Variants in MALT1 observed in about 807,000 individuals in gnomAD.
MALT1 encodes mucosa-associated lymphoid tissue lymphoma translocation protein 1.
In MALT1, 36 loss-of-function variants were observed where a neutral mutation model predicts 85.5. The ratio of observed to expected loss-of-function variants is 0.42; its 90% CI spans 0.32 to 0.56. The LOEUF (loss-of-function observed/expected upper bound fraction) is 0.56. Among genes scored for constraint, MALT1 ranks in the 20% least tolerant of loss-of-function variants. The pLI is 0.10. For missense variants in MALT1, 716 were observed against 981.6 expected, an observed-to-expected ratio of 0.73 and a Z score of 3.62; for synonymous variants, 359 against 361.3, an observed-to-expected ratio of 0.99 and a Z score of 0.07.
Position 58,708,616 on chromosome 18 carries a change from G to GC in MALT1, c.650-758dup, listed in dbSNP as rs1201622154. On this transcript the variant is annotated intron_variant, in intron 4 of 16. Transcript: ENST00000649217. The stretch of plus-strand genomic sequence containing the variant: ...GGATGACCCAGAGCAGGATATCAAA[G>GC]CCCCGGTAAGGTGTCCATGTGGGAG... Among the ~76,000 whole-genome samples the GC allele has an allele frequency of 2.6e-5, 4 of 152,314 alleles. No homozygotes were observed. In the East Asian group the frequency reaches 7.7e-4, roughly 29 times the overall value.
rs986926701 is a variant in MALT1 at position 58,690,556 on chromosome 18, C to T, written c.377-5810C>T. On this transcript the variant is annotated intron_variant, in intron 2 of 16. Transcript: ENST00000649217. The stretch of plus-strand genomic sequence containing the variant: ...CTGTGAGAGAGATGTACTTCACGCC[C>T]GGGCTGCCACCGCTGATCTTCCTGC... 6.8e-5 allele frequency: 11 copies of T among 161,762 alleles called. No individual in the cohort carries two copies. The South Asian group carries it at 1.6e-3, about 23-fold the overall frequency. 10.0% of individuals were successfully genotyped at this position (161,762 alleles called of 1,614,324 possible). A position where few individuals can be genotyped will look rare whatever the true frequency, so the allele number is the denominator to read the frequency against.
rs1399196376 is a variant in MALT1 at position 58,671,500 on chromosome 18, T to G, written c.-144T>G. The G allele has an allele frequency of 2.1e-6, 1 of 466,286 alleles. No homozygotes were observed. The highest frequency in any genetic ancestry group is 2.0e-5 in the African/African-American group (1 of 49,032). The allele number at this position is 466,286 out of a possible 1,614,324, so 28.9% of individuals were successfully genotyped here. A position where few individuals can be genotyped will look rare whatever the true frequency, so the allele number is the denominator to read the frequency against. On this transcript the variant is annotated 5_prime_UTR_variant, in exon 1 of 17. Coordinates refer to ENST00000649217, the MANE Select transcript of MALT1 (RefSeq NM_006785.4). ...AATTGGGGCGGGGAGCGGAGCTTCC[T>G]CCTCTGAGGGCCGTGCCGCGCTGCC...
rs182458166 is a variant in MALT1, at chr18:58,680,556, T to A, written c.210-614T>A. Among the ~76,000 whole-genome samples the A allele has an allele frequency of 5.5e-4, 84 of 152,338 alleles. 1 individual carries two copies. Among genetic ancestry groups the A allele is most frequent in the Non-Finnish European group, 3.5e-4 (24 of 68,028 alleles). ...TGAAGAAGGAGTAAGGAAATTTTTCTGGCCTTCCTATTCCCCATTCCTAAA... is the reference window on the plus strand; with the variant it reads ...TGAAGAAGGAGTAAGGAAATTTTTCAGGCCTTCCTATTCCCCATTCCTAAA... On this transcript the variant is annotated intron_variant, in intron 1 of 16. Transcript: ENST00000649217.
intron 12 of MALT1, 183 bp downstream of exon 12, chr18:58,734,564 C>CA (rs1333077653): frequency 5.3e-6 from 3 of 565,754 alleles, no homozygotes; most frequent in Non-Finnish European, 9.5e-6. Context: ...GCTGGGATTA[C>CA]AGGCATGTGC....
chr18:58,701,420 T>G (rs1166279360), intron 4 of MALT1, among the ~76,000 whole-genome samples: 2 of 152,270 alleles, frequency 1.3e-5, no homozygotes, highest in African/African-American at 4.8e-5. Context: ...CAGCTCCCTC[T>G]GCTGCCTTGG....
intron 10 of MALT1, among the ~76,000 whole-genome samples, chr18:58,727,673 T>C (rs11662404): frequency 6.8e-6 from 1 of 147,256 alleles, no homozygotes; most frequent in South Asian, 2.1e-4. Flanking sequence ...TTTAAAGCTG[T>C]AGTGTAGTAA....
intron 9 of MALT1, among the ~76,000 whole-genome samples, chr18:58,717,548 C>G (rs1426882181): frequency 6.6e-6 from 1 of 151,760 alleles, no homozygotes; most frequent in Non-Finnish European, 1.5e-5. Flanking sequence ...TGGTTCAGAT[C>G]AGTTGTGTGC....
At chr18:58,691,461 C>G in intron 2 of MALT1, 1 of 288,772 alleles carries the variant, frequency 3.5e-6, no homozygotes, top group Non-Finnish European at 6.7e-6. Context: ...ATTCCATTTC[C>G]TGGTGTTACA....
At chr18:58,690,489 T>C in intron 2 of MALT1, 2 of 173,214 alleles carry the variant, frequency 1.2e-5, no homozygotes, top group East Asian at 1.7e-4. Flanking sequence ...CCTCCTCCCC[T>C]GGATGGAGTG....
intron 3 of MALT1, among the ~76,000 whole-genome samples, chr18:58,697,732 G>A (rs2054610999): frequency 6.6e-6 from 1 of 152,176 alleles, no homozygotes; most frequent in Non-Finnish European, 1.5e-5. Context: ...TTGAAGAGTT[G>A]TAATGGATTT....
chr18:58,707,749 C>G (rs2054774188), intron 4 of MALT1, among the ~76,000 whole-genome samples: 1 of 152,178 alleles, frequency 6.6e-6, no homozygotes, highest in African/African-American at 2.4e-5. Context: ...AGGAACTAGA[C>G]ACACCCCTCG....
chr18:58,679,238 A>G (rs1290618104), intron 1 of MALT1, among the ~76,000 whole-genome samples: 5 of 152,394 alleles, frequency 3.3e-5, no homozygotes, highest in East Asian at 1.9e-4. Flanking sequence ...AGGAAATTGT[A>G]TATGTATGTT....
chr18:58,689,349 A>G (rs959439593), intron 2 of MALT1, among the ~76,000 whole-genome samples: 4 of 151,938 alleles, frequency 2.6e-5, no homozygotes, highest in African/African-American at 7.3e-5. Context: ...TCATTGTAAC[A>G]TAGATGTAAT....
chr18:58,726,621 C>T (rs1447199139), intron 10 of MALT1, among the ~76,000 whole-genome samples: 1 of 152,080 alleles, frequency 6.6e-6, no homozygotes, highest in Non-Finnish European at 1.5e-5. Context: ...CATATGTAAA[C>T]ATAAAAAACA....
At chr18:58,690,195 G>A (rs930038646) in intron 2 of MALT1, among the ~76,000 whole-genome samples, 2 of 152,064 alleles carry the variant, frequency 1.3e-5, no homozygotes, top group African/African-American at 4.8e-5. Flanking sequence ...ACAATATTTC[G>A]AACTTTTTCA....
At chr18:58,689,388 A>G (rs2054461133) in intron 2 of MALT1, among the ~76,000 whole-genome samples, 1 of 152,164 alleles carries the variant, frequency 6.6e-6, no homozygotes, top group Admixed American at 6.5e-5. Context: ...GTTATTTCAA[A>G]GGTTAGTGAT....
Position 58,671,565 on chromosome 18 carries a change from G to C in MALT1, c.-79G>C. ...GCCCCTGCCTCCGCGGCTCGGAGGC[G>C]AGCGGAAGGTGCCCCGGGGCCGAGG... On this transcript the variant is annotated 5_prime_UTR_variant, in exon 1 of 17. Transcript: ENST00000649217. 1.0e-6 allele frequency: 1 copy of C among 985,582 alleles called. No individual in the cohort carries two copies. Among genetic ancestry groups the C allele is most frequent in the Non-Finnish European group, 1.3e-6 (1 of 770,638 alleles). 61.1% of individuals were successfully genotyped at this position (985,582 alleles called of 1,614,324 possible).
Position 58,681,334 on chromosome 18 carries a change from C to G in MALT1, c.374C>G (p.Pro125Arg). 1 of 1,612,476 alleles carries G rather than the reference C, an allele frequency of 6.2e-7. No homozygotes were observed. Among genetic ancestry groups the G allele is most frequent in the South Asian group, 1.1e-5 (1 of 90,724 alleles). ...HTEVLQLLSP[P>R]GIKITVNPES... ...GAAGTTCTTCAGCTTCTCAGCCCCC[C>G]AGGTAGGTTTTGTTCTTAGGATTAT... is the stretch of plus-strand genomic sequence containing the variant. Residue 125 changes from proline (P) to arginine (R), a missense_variant and splice_region_variant, in exon 2 of 17, where the codon CCA becomes CGA. This residue lies in a region of MALT1 where 290 missense variants were observed against 380.5 expected (regional missense o/e 0.76). Transcript: ENST00000649217.
intron 5 of MALT1, 28 bp downstream of exon 5, chr18:58,709,584 G>C: frequency 6.4e-7 from 1 of 1,557,082 alleles, no homozygotes; most frequent in Non-Finnish European, 8.7e-7. Flanking sequence ...GGGTCTTTTG[G>C]GGGAGTTAAC....
Sources: allele counts gnomAD v4.1 joint callset (sites outside exome capture counted in the v4.1 genomes callset), GRCh38; gene constraint gnomAD v4.1.1; regional missense constraint gnomAD v4.1.1; transcripts MANE v1.5; gene names NCBI Gene and HGNC (gene_info 2026-07-23, HGNC 2026-07-21).